SNTB1: variants seen among roughly 807,000 people sequenced by gnomAD.
SNTB1 encodes syntrophin beta 1, also known as beta-1-syntrophin.
A neutral mutation model predicts 48.9 loss-of-function variants in SNTB1; 36 were observed. The observed-to-expected ratio is 0.74, with a 90% CI of 0.56 to 0.97. The LOEUF (loss-of-function observed/expected upper bound fraction) is 0.97, where lower values mean the gene tolerates loss of function less well. SNTB1 is among the 50% of genes least tolerant of loss of function. The pLI, the probability that SNTB1 is intolerant of heterozygous loss-of-function variation, is 0.00. For missense variants in SNTB1, 786 were observed against 703.4 expected, an observed-to-expected ratio of 1.12 and a Z score of -1.33; for synonymous variants, 299 against 294.6, an observed-to-expected ratio of 1.01 and a Z score of -0.15.
chr8:120,599,216 T>C (rs1380402350), intron 3 of SNTB1, among the ~76,000 whole-genome samples: 1 of 152,240 alleles, frequency 6.6e-6, no homozygotes, highest in Non-Finnish European at 1.5e-5. Context: ...GAACAAGCCT[T>C]GGTCCTTGAT....
intron 1 of SNTB1, among the ~76,000 whole-genome samples, chr8:120,733,637 A>T (rs1818889826): frequency 6.6e-6 from 1 of 152,260 alleles, no homozygotes; most frequent in South Asian, 2.1e-4. Flanking sequence ...TAGCTCTGAC[A>T]TAACAAACAA....
intron 4 of SNTB1, among the ~76,000 whole-genome samples, chr8:120,561,321 AAAAAAAAAAAAAAAAAAAAG>A (rs549255196): frequency 0.012 from 991 of 82,976 alleles, 5 homozygotes; most frequent in Non-Finnish European, 0.02. Flanking sequence ...CTCCATCTCA[AAAAAAAAAAAAAAAAAAAAG>A]AAAAAAAGAA....
chr8:120,586,403 T>G (rs1430395558), intron 3 of SNTB1, among the ~76,000 whole-genome samples: 1 of 152,230 alleles, frequency 6.6e-6, no homozygotes, highest in Non-Finnish European at 1.5e-5. Flanking sequence ...TGGTTCTTTC[T>G]GCAGGCCCTG....
chr8:120,699,326 T>C (rs2129881533), intron 1 of SNTB1, among the ~76,000 whole-genome samples: 1 of 152,304 alleles, frequency 6.6e-6, no homozygotes, highest in African/African-American at 2.4e-5. Flanking sequence ...TTGTTAGAGG[T>C]GGGCCTAGTG....
rs534015757 is a variant in SNTB1, at chr8:120,661,846, C to T, written c.789-29195G>A. 3.7e-4 allele frequency among the ~76,000 whole-genome samples: 56 copies of T among 152,038 alleles called. 1 individual carries two copies. Among genetic ancestry groups the T allele is most frequent in the African/African-American group, 9.2e-4 (38 of 41,474 alleles). ...ATGAACTCATTCTTTTTTATGGCTG[C>T]GAGTCCAGATTTCTTAACAACTAAG... On this transcript the variant is annotated intron_variant, in intron 2 of 6. Coordinates refer to ENST00000517992, the MANE Select transcript of SNTB1 (RefSeq NM_021021.4).
chr8:120,775,288 G>A (rs1819712066), intron 1 of SNTB1: 1 of 152,092 alleles, frequency 6.6e-6, no homozygotes, highest in Non-Finnish European at 1.5e-5. Context: ...TTGAATCCCA[G>A]CGACATTCAT....
At chr8:120,675,615 T>A (rs1279270691) in intron 2 of SNTB1, among the ~76,000 whole-genome samples, 1 of 152,154 alleles carries the variant, frequency 6.6e-6, no homozygotes, top group Non-Finnish European at 1.5e-5. Context: ...CTTCCAGTCA[T>A]ATTTCATTAG....
chr8:120,746,768 G>C (rs1221172169), intron 1 of SNTB1, among the ~76,000 whole-genome samples: 2 of 152,160 alleles, frequency 1.3e-5, no homozygotes, highest in East Asian at 3.8e-4. Context: ...AGTATTACTG[G>C]ACATGGGAGA....
intron 1 of SNTB1, among the ~76,000 whole-genome samples, chr8:120,753,750 C>A (rs563650106): frequency 6.6e-6 from 1 of 152,262 alleles, no homozygotes; most frequent in South Asian, 2.1e-4. Flanking sequence ...CAAATAAATG[C>A]ATACTAGAGG....
At chr8:120,549,642 G>C (rs572675355) in intron 4 of SNTB1, among the ~76,000 whole-genome samples, 1 of 152,334 alleles carries the variant, frequency 6.6e-6, no homozygotes, top group East Asian at 1.9e-4. Context: ...GACTTCCATA[G>C]TAAATATTTT....
intron 1 of SNTB1, among the ~76,000 whole-genome samples, chr8:120,766,611 T>C (rs1819528982): frequency 6.6e-6 from 1 of 152,206 alleles, no homozygotes; most frequent in African/African-American, 2.4e-5. Context: ...GCCAATTATA[T>C]ATTGGCAATA....
intron 3 of SNTB1, among the ~76,000 whole-genome samples, chr8:120,603,600 C>T (rs764284772): frequency 3.9e-5 from 6 of 152,244 alleles, no homozygotes; most frequent in Non-Finnish European, 8.8e-5. Flanking sequence ...CAGGGGAGTC[C>T]AGCAATCTAT....
intron 1 of SNTB1, among the ~76,000 whole-genome samples, chr8:120,723,880 C>G (rs1478942757): frequency 6.6e-6 from 1 of 152,218 alleles, no homozygotes; most frequent in South Asian, 2.1e-4. Flanking sequence ...GCTCTTGCCA[C>G]AGGGTGTTTC....
intron 5 of SNTB1, among the ~76,000 whole-genome samples, chr8:120,548,242 A>T (rs1050406619): frequency 1.3e-5 from 2 of 152,132 alleles, no homozygotes; most frequent in African/African-American, 4.8e-5. Flanking sequence ...TGCCAGGACC[A>T]TGCTTCCTGT....
At chr8:120,811,177 G>T in intron 1 of SNTB1, 96 bp downstream of exon 1, 2 of 1,458,842 alleles carry the variant, frequency 1.4e-6, no homozygotes, top group Non-Finnish European at 1.8e-6. Flanking sequence ...GGGTGTGTCC[G>T]CATGTGGCCG....
chr8:120,564,637 C>T (rs766790939), intron 4 of SNTB1, among the ~76,000 whole-genome samples: 15 of 121,148 alleles, frequency 1.2e-4, no homozygotes, highest in South Asian at 5.5e-4. Context: ...GGCGTGATAT[C>T]GGCTCACTGC....
At chr8:120,799,083 G>A (rs1055460579) in intron 1 of SNTB1, among the ~76,000 whole-genome samples, 12 of 151,922 alleles carry the variant, frequency 7.9e-5, no homozygotes, top group South Asian at 2.1e-4. Context: ...CCATTTTACC[G>A]GCTTTCTCAC....
chr8:120,720,948 G>C (rs1384126534), intron 1 of SNTB1, among the ~76,000 whole-genome samples: 1 of 152,208 alleles, frequency 6.6e-6, no homozygotes, highest in Non-Finnish European at 1.5e-5. Flanking sequence ...ACCAGCTTAG[G>C]AAACTCAACT....
chr8:120,672,585 G>A (rs1280470672), intron 2 of SNTB1, among the ~76,000 whole-genome samples: 1 of 152,192 alleles, frequency 6.6e-6, no homozygotes, highest in African/African-American at 2.4e-5. Context: ...TCCTCTACTA[G>A]TTAGGATAAG....
Sources: gnomAD v4.1 joint callset for allele counts (sites outside exome capture counted in the v4.1 genomes callset) on GRCh38, gnomAD v4.1.1 for gene constraint, MANE v1.5 for transcripts, NCBI Gene and HGNC (gene_info 2026-07-23, HGNC 2026-07-21) for gene names.